Variants in PCTP observed in about 807,000 individuals in gnomAD.
PCTP encodes the protein START domain-containing protein 2.
A neutral mutation model predicts 31.0 loss-of-function variants in PCTP; 27 were observed. The observed-to-expected ratio is 0.87, with a 90% CI of 0.64 to 1.20. The LOEUF (loss-of-function observed/expected upper bound fraction) is 1.20. Among genes scored for constraint, PCTP ranks in the 50% most tolerant of loss-of-function variants. PCTP has a pLI of 0.00. For missense variants in PCTP, 287 were observed against 268.2 expected (o/e 1.07, Z -0.49); for synonymous variants, 108 against 101.2 (o/e 1.07, Z -0.40).
intron 3 of PCTP, among the ~76,000 whole-genome samples, chr17:55,807,586 T>C (rs1567726915): frequency 6.6e-6 from 1 of 152,164 alleles, no homozygotes; most frequent in Non-Finnish European, 1.5e-5. Context: ...TTTTGATGAA[T>C]TGTGCTGTAG....
chr17:55,831,681 G>T (rs889986829), intron 5 of PCTP, among the ~76,000 whole-genome samples: 1 of 152,182 alleles, frequency 6.6e-6, no homozygotes, highest in African/African-American at 2.4e-5. Flanking sequence ...CCAACGTCAA[G>T]TTTACTACCT....
chr17:55,756,741 G>GTGTA (rs1555564753), intron 1 of PCTP, among the ~76,000 whole-genome samples: 2 of 150,198 alleles, frequency 1.3e-5, no homozygotes, highest in African/African-American at 5.0e-5. Context: ...GTGTGTGTGT[G>GTGTA]TATATATGTA....
At chr17:55,752,062 C>G in intron 1 of PCTP, among the ~76,000 whole-genome samples, 1 of 152,162 alleles carries the variant, frequency 6.6e-6, no homozygotes. Flanking sequence ...TGGTTAAACC[C>G]CAGGTTTCAT....
intron 3 of PCTP, among the ~76,000 whole-genome samples, chr17:55,771,494 C>G (rs1259162017): frequency 6.6e-6 from 1 of 152,160 alleles, no homozygotes; most frequent in East Asian, 1.9e-4. Flanking sequence ...CTGGAAGGAA[C>G]TTCTTATAAA....
chr17:55,806,283 T>A (rs527998575), intron 3 of PCTP, among the ~76,000 whole-genome samples: 1 of 152,148 alleles, frequency 6.6e-6, no homozygotes, highest in East Asian at 1.9e-4. Context: ...TTTATGACAG[T>A]GGTGTGCTGG....
chr17:55,851,474 A>G, the PCTP span, among the ~76,000 whole-genome samples: 2 of 152,320 alleles, frequency 1.3e-5, no homozygotes, highest in Middle Eastern at 6.8e-3. Flanking sequence ...GGCCAACCAC[A>G]CTGCAGAGTT....
chr17:55,769,883 G>A (rs35098135), intron 2 of PCTP: 5 of 152,136 alleles, frequency 3.3e-5, no homozygotes, highest in Non-Finnish European at 7.3e-5. Context: ...TGCTCAAGGG[G>A]CGATCAATGC....
chr17:55,829,720 A>ACC (rs1555571499), intron 5 of PCTP, among the ~76,000 whole-genome samples: 8 of 147,458 alleles, frequency 5.4e-5, no homozygotes, highest in Non-Finnish European at 1.1e-4. Context: ...ACACACACAC[A>ACC]CCCTCTACAA....
intron 2 of PCTP, among the ~76,000 whole-genome samples, chr17:55,785,928 T>G (rs780125258): frequency 1.3e-5 from 2 of 152,226 alleles, no homozygotes; most frequent in Non-Finnish European, 2.9e-5. Flanking sequence ...TGTTTTAAAT[T>G]TAGCTCAGCT....
chr17:55,783,866 T>A (rs529745198), intron 2 of PCTP, among the ~76,000 whole-genome samples: 17 of 152,206 alleles, frequency 1.1e-4, no homozygotes, highest in Non-Finnish European at 1.6e-4. Context: ...CGGTGCCGAG[T>A]CCCTGGAGAG....
chr17:55,787,736 C>G (rs2144998559), intron 3 of PCTP: 1 of 152,328 alleles, frequency 6.6e-6, no homozygotes, highest in African/African-American at 2.4e-5. Context: ...ATTATCTCCA[C>G]TGTCTTTTCG....
Position 55,773,867 on chromosome 17 carries a change from C to CGATT in PCTP, c.485_486insTTGA (p.Glu162AspfsTer2), listed in dbSNP as rs1567716772. ...AGCAATACAAGCAGAGCCTGGCGAT[C>CGATT]GAGAGTGACGGCAAGAAGGGGAGCA... On this transcript the variant is annotated frameshift_variant, in exon 4 of 6. Coordinates refer to ENST00000268896, the MANE Select transcript of PCTP (RefSeq NM_021213.4). LOFTEE classifies it high-confidence loss of function. 1 of 1,609,406 alleles carries CGATT rather than the reference C, an allele frequency of 6.2e-7. No individual in the cohort carries two copies. The highest frequency in any genetic ancestry group is 8.5e-7 in the Non-Finnish European group (1 of 1,177,556).
chr17:55,783,961 C>T (rs989717278), intron 2 of PCTP, among the ~76,000 whole-genome samples: 1 of 152,196 alleles, frequency 6.6e-6, no homozygotes, highest in Non-Finnish European at 1.5e-5. Context: ...AGCTCCATGT[C>T]TTCCCATCCT....
intron 3 of PCTP, among the ~76,000 whole-genome samples, chr17:55,820,017 C>T (rs543590658): frequency 6.6e-6 from 1 of 152,192 alleles, no homozygotes; most frequent in East Asian, 1.9e-4. Context: ...TAAAAATTAA[C>T]TCAAAATAGA....
chr17:55,775,224 T>G, intron 5 of PCTP: 1 of 1,262,638 alleles, frequency 7.9e-7, no homozygotes, highest in Non-Finnish European at 9.9e-7. Flanking sequence ...CTGACCTGGC[T>G]TGGAGACAAC....
chr17:55,817,006 A>G lies in PCTP; in HGVS notation c.318-5755A>G, dbSNP rs1206156901. ...TCCTGGTAAAAGATCCCATTTTAAT[A>G]GAATGTGAAAGCTGCAAGAAAGATG... On this transcript the variant is annotated intron_variant, in intron 3 of 3. Transcript: ENST00000572536. Among the ~76,000 whole-genome samples, 4 of 152,240 alleles carry G rather than the reference A, an allele frequency of 2.6e-5. No homozygotes were observed. The East Asian group carries it at 7.7e-4, about 29-fold the overall frequency.
downstream of PCTP, among the ~76,000 whole-genome samples, chr17:55,843,401 A>G (rs1598027047): frequency 6.6e-6 from 1 of 152,116 alleles, no homozygotes; most frequent in East Asian, 1.9e-4. Flanking sequence ...CCCCCTCCCC[A>G]TCTACCTCTC....
downstream of PCTP, among the ~76,000 whole-genome samples, chr17:55,826,181 A>C (rs1283773612): frequency 6.6e-6 from 1 of 152,186 alleles, no homozygotes; most frequent in East Asian, 1.9e-4. Context: ...TTGGAGAGGA[A>C]CACTGAATGT....
chr17:55,775,408 A>C, intron 5 of PCTP: 1 of 1,232,166 alleles, frequency 8.1e-7, no homozygotes, highest in Non-Finnish European at 1.0e-6. Flanking sequence ...CTACTACTAG[A>C]GAGCTCAACA....
Sources: allele counts gnomAD v4.1 joint callset (sites outside exome capture counted in the v4.1 genomes callset), GRCh38; gene constraint gnomAD v4.1.1; transcripts MANE v1.5; gene names NCBI Gene and HGNC (gene_info 2026-07-23, HGNC 2026-07-21).